Variants in MMD observed in about 807,000 individuals in gnomAD.
MMD encodes monocyte to macrophage differentiation factor.
Under a neutral mutation model 33.6 loss-of-function variants are expected in MMD, and 22 were observed. The observed-to-expected ratio is 0.66, with a 90% CI of 0.47 to 0.94. The LOEUF is 0.94. Ranked by LOEUF, MMD falls within the 40% of genes least tolerant of loss-of-function variation. The pLI is 0.00. For synonymous variants in MMD, 97 were observed against 103.2 expected (o/e 0.94, Z 0.36); for missense variants, 242 against 309.8 (o/e 0.78, Z 1.64).
At chr17:55,410,256 A>G (rs1429681066) in intron 3 of MMD, among the ~76,000 whole-genome samples, 1 of 152,226 alleles carries the variant, frequency 6.6e-6, no homozygotes, top group Non-Finnish European at 1.5e-5. Context: ...TGAGGAAACC[A>G]GTAATCATCT....
At chr17:55,412,879 G>GATTCCCC (rs1338178476) in intron 2 of MMD, among the ~76,000 whole-genome samples, 4 of 152,156 alleles carry the variant, frequency 2.6e-5, no homozygotes, top group Non-Finnish European at 5.9e-5. Flanking sequence ...TTTATCTTGA[G>GATTCCCC]ATCATGTCCT....
At chr17:55,413,951 C>G (rs1375549158) in intron 2 of MMD, among the ~76,000 whole-genome samples, 200 bp downstream of exon 2, 1 of 152,154 alleles carries the variant, frequency 6.6e-6, no homozygotes, top group East Asian at 1.9e-4. Flanking sequence ...CAGGACAGAG[C>G]TGACTGTAGG....
At chr17:55,413,316 C>A (rs1907835022) in intron 2 of MMD, among the ~76,000 whole-genome samples, 2 of 152,034 alleles carry the variant, frequency 1.3e-5, no homozygotes, top group Admixed American at 1.3e-4. Flanking sequence ...ACTATTTTTC[C>A]CTCAATGTCA....
chr17:55,408,055 A>G (rs1460481413), intron 3 of MMD, among the ~76,000 whole-genome samples: 2 of 152,240 alleles, frequency 1.3e-5, no homozygotes, highest in African/African-American at 4.8e-5. Context: ...TATATAAGAC[A>G]TAGGGACAGG....
At chr17:55,421,216 C>T (rs1299743114) in intron 1 of MMD, among the ~76,000 whole-genome samples, 2 of 152,240 alleles carry the variant, frequency 1.3e-5, no homozygotes, top group Non-Finnish European at 2.9e-5. Flanking sequence ...CAGGGCGCCA[C>T]CCCGTTCCGC....
chr17:55,394,025 A>G lies in MMD; in HGVS notation c.*309T>C. On this transcript the variant is annotated 3_prime_UTR_variant, in exon 7 of 7. Coordinates refer to ENST00000262065, the MANE Select transcript of MMD (RefSeq NM_012329.3). ...TTTACAACCTGACATAGTAATTTAG[A>G]AAAATCATGTAGTAAAATCTGTAAA... 1 of 188,402 alleles carries G rather than the reference A, an allele frequency of 5.3e-6. No homozygotes were observed. Among genetic ancestry groups the G allele is most frequent in the Non-Finnish European group, 1.1e-5 (1 of 92,272 alleles). 11.7% of individuals were successfully genotyped at this position (188,402 alleles called of 1,614,324 possible).
chr17:55,401,933 G>A (rs1008846337), intron 5 of MMD, among the ~76,000 whole-genome samples: 7 of 151,920 alleles, frequency 4.6e-5, no homozygotes, highest in African/African-American at 1.5e-4. Flanking sequence ...TTAGCTGGGC[G>A]TGGCGAGCGC....
intron 3 of MMD, 42 bp downstream of exon 3, chr17:55,411,215 C>T (rs771925991): frequency 6.3e-7 from 1 of 1,579,852 alleles, no homozygotes. Context: ...CACGTTGAGT[C>T]AACTATTTGG....
At chr17:55,408,017 G>A (rs927545197) in intron 3 of MMD, among the ~76,000 whole-genome samples, 197 bp from the exon 4 acceptor site, 8 of 152,114 alleles carry the variant, frequency 5.3e-5, no homozygotes, top group Non-Finnish European at 1.0e-4. Flanking sequence ...TATTTTTTAG[G>A]TTGCACATAC....
intron 6 of MMD, among the ~76,000 whole-genome samples, chr17:55,397,830 A>G (rs1158964730): frequency 6.6e-6 from 1 of 152,052 alleles, no homozygotes; most frequent in Non-Finnish European, 1.5e-5. Context: ...CGTGAGCCAC[A>G]GCACCCGGAC....
intron 4 of MMD, chr17:55,404,512 G>T: frequency 1.0e-6 from 1 of 985,364 alleles, no homozygotes; most frequent in Non-Finnish European, 1.2e-6. Context: ...CCATGTATTT[G>T]GGAGCAGATT....
At chr17:55,401,129 T>G (rs1907310659) in intron 6 of MMD, among the ~76,000 whole-genome samples, 1 of 152,178 alleles carries the variant, frequency 6.6e-6, no homozygotes, top group Non-Finnish European at 1.5e-5. Context: ...CGGTACCTAG[T>G]GCAAGCTTAC....
At chr17:55,413,923 T>C (rs888162024) in intron 2 of MMD, among the ~76,000 whole-genome samples, 6 of 152,198 alleles carry the variant, frequency 3.9e-5, no homozygotes, top group African/African-American at 1.4e-4. Context: ...AAGAATATCT[T>C]GTTGGAGAAA....
chr17:55,414,555 T>TACACACACAC (rs1567851499), intron 1 of MMD, among the ~76,000 whole-genome samples: 3 of 58,518 alleles, frequency 5.1e-5, no homozygotes, highest in African/African-American at 2.3e-4. Context: ...TCCTCCTCCA[T>TACACACACAC]TCACACACAC....
At position 55,393,204 on chromosome 17, in the gene MMD, T is replaced by C. The variant is rs1906981419; in HGVS notation, c.*1130A>G. On this transcript the variant is annotated 3_prime_UTR_variant, in exon 7 of 7. Coordinates refer to ENST00000262065, the MANE Select transcript of MMD (RefSeq NM_012329.3). ...CAGGATATAACTCATGGACTACAGA[T>C]ACATGAGTTTCTACCTGTCAAACAA... 6.6e-6 allele frequency: 1 copy of C among 150,534 alleles called. No individual in the cohort carries two copies. The highest frequency in any genetic ancestry group is 1.5e-5 in the Non-Finnish European group (1 of 67,912). 9.3% of individuals were successfully genotyped at this position (150,534 alleles called of 1,614,324 possible). A position where few individuals can be genotyped will look rare whatever the true frequency, so the allele number is the denominator to read the frequency against.
intron 2 of MMD, 82 bp downstream of exon 2, chr17:55,414,069 C>A (rs746839587): frequency 6.1e-6 from 8 of 1,321,760 alleles, no homozygotes; most frequent in Non-Finnish European, 7.6e-6. Flanking sequence ...ACTAATTGTG[C>A]TGAGGTTACT....
At chr17:55,411,142 G>T in intron 3 of MMD, 115 bp downstream of exon 3, 1 of 1,203,580 alleles carries the variant, frequency 8.3e-7, no homozygotes, top group Non-Finnish European at 1.2e-6. Flanking sequence ...AGTCTACAAG[G>T]CAGAAAAATG....
intron 6 of MMD, among the ~76,000 whole-genome samples, chr17:55,398,583 A>G (rs1907211948): frequency 6.6e-6 from 1 of 151,976 alleles, no homozygotes; most frequent in Admixed American, 6.6e-5. Flanking sequence ...TTCTGATAAT[A>G]TTTACTTATG....
In MMD at chr17:55,393,951, A is replaced by G. The variant is rs889875543; in HGVS notation, c.*383T>C. ...TCTTTACCTAGTGAATGGGAAAGTA[A>G]TAGAAACAATTTTCTTCTTAAAAAG... On this transcript the variant is annotated 3_prime_UTR_variant, in exon 7 of 7. Coordinates refer to ENST00000262065, the MANE Select transcript of MMD (RefSeq NM_012329.3). 2.6e-5 allele frequency: 4 copies of G among 155,762 alleles called. No individual in the cohort carries two copies. Among genetic ancestry groups the G allele is most frequent in the Non-Finnish European group, 5.7e-5 (4 of 70,300 alleles). 9.6% of individuals were successfully genotyped at this position (155,762 alleles called of 1,614,324 possible).
Sources: allele counts gnomAD v4.1 joint callset (sites outside exome capture counted in the v4.1 genomes callset), GRCh38; gene constraint gnomAD v4.1.1; transcripts MANE v1.5; gene names NCBI Gene and HGNC (gene_info 2026-07-23, HGNC 2026-07-21).